KCNH1: variants seen among roughly 807,000 people sequenced by gnomAD.
KCNH1 encodes the protein voltage-gated delayed rectifier potassium channel KCNH1.
KCNH1 carries 27 observed loss-of-function variants against 69.2 expected under a neutral mutation model. The ratio of observed to expected loss-of-function variants is 0.39; its 90% CI spans 0.29 to 0.54. The LOEUF (loss-of-function observed/expected upper bound fraction) is 0.54. KCNH1 is among the 20% of genes least tolerant of loss of function. The probability of loss-of-function intolerance (pLI) is 0.68; values close to 1 mark genes in which losing one functional copy is unlikely to be tolerated. For synonymous variants in KCNH1, 456 were observed against 487.7 expected, an observed-to-expected ratio of 0.93 and a Z score of 0.86; for missense variants, 798 against 1,261.6, an observed-to-expected ratio of 0.63 and a Z score of 5.57.
chr1:210,800,734 C>A (rs1684411562), intron 8 of KCNH1, among the ~76,000 whole-genome samples: 1 of 152,072 alleles, frequency 6.6e-6, no homozygotes, highest in African/African-American at 2.4e-5. Flanking sequence ...GGCCACCTTT[C>A]CTACTGCTAG....
intron 8 of KCNH1, among the ~76,000 whole-genome samples, chr1:210,803,629 A>G (rs933942829): frequency 2.0e-5 from 3 of 152,242 alleles, no homozygotes; most frequent in Admixed American, 6.5e-5. Flanking sequence ...GTAAAAAGAA[A>G]ATTGACAATA....
At chr1:210,995,580 G>A (rs1030513193) in intron 6 of KCNH1, among the ~76,000 whole-genome samples, 1 of 152,148 alleles carries the variant, frequency 6.6e-6, no homozygotes, top group African/African-American at 2.4e-5. Context: ...AGCTAATAGG[G>A]TCCATTTATC....
chr1:210,736,088 G>A (rs1197224994), intron 10 of KCNH1, among the ~76,000 whole-genome samples: 1 of 151,944 alleles, frequency 6.6e-6, no homozygotes, highest in Admixed American at 6.6e-5. Context: ...ACGTTGGAAT[G>A]CAGCAGTCAT....
chr1:211,072,750 G>T (rs1690670368), intron 5 of KCNH1, among the ~76,000 whole-genome samples: 1 of 151,780 alleles, frequency 6.6e-6, no homozygotes, highest in Non-Finnish European at 1.5e-5. Flanking sequence ...TAAGGAAGGA[G>T]AAAAAGTTGA....
At position 211,043,557 on chromosome 1, in the gene KCNH1, A is replaced by G. The variant is rs538307931; in HGVS notation, c.559-24301T>C. 8.5e-5 allele frequency among the ~76,000 whole-genome samples: 13 copies of G among 152,308 alleles called. No homozygotes were observed. In the South Asian group the frequency reaches 1.7e-3, roughly 19 times the overall value. On this transcript the variant is annotated intron_variant, in intron 5 of 10. Coordinates refer to ENST00000271751, the MANE Select transcript of KCNH1 (RefSeq NM_172362.3). Reference sequence around the variant, plus strand: ...TCCTCTTGACACTATTCCACAAGATAGAGAAAGAGGGAATCCTCCCTAAAT... The same window carrying G: ...TCCTCTTGACACTATTCCACAAGATGGAGAAAGAGGGAATCCTCCCTAAAT...
chr1:211,090,690 C>T lies in KCNH1; in HGVS notation c.311G>A (p.Arg104Lys). 1 of 1,599,468 alleles carries T rather than the reference C, an allele frequency of 6.3e-7. No homozygotes were observed. Residue 104 changes from arginine (R) to lysine (K), a missense_variant and splice_region_variant, in exon 4 of 11, where the codon AGG becomes AAG. Arg to Lys is a conservative substitution (Grantham distance 26). Coordinates refer to ENST00000271751, the MANE Select transcript of KCNH1 (RefSeq NM_172362.3). ...SFEILMYKKN[R>K]TPVWFFVKIA... ...TTTCACAAAGAACCACACAGGTGTC[C>T]CTGAAAGGAATATCAAAAGGTTGGT...
intron 6 of KCNH1, among the ~76,000 whole-genome samples, chr1:210,984,745 C>CT (rs142650717): frequency 0.33 from 50,112 of 151,834 alleles, 8,686 homozygotes; most frequent in Non-Finnish European, 0.38. Flanking sequence ...CTAAAATTCT[C>CT]TTTTTTTGTT....
chr1:210,785,962 C>T (rs1395642489), intron 9 of KCNH1, among the ~76,000 whole-genome samples: 1 of 152,134 alleles, frequency 6.6e-6, no homozygotes, highest in African/African-American at 2.4e-5. Context: ...AAATATAAAG[C>T]ACATTCTCTA....
At chr1:211,077,435 G>C (rs963493689) in intron 5 of KCNH1, among the ~76,000 whole-genome samples, 3 of 152,202 alleles carry the variant, frequency 2.0e-5, no homozygotes, top group African/African-American at 7.2e-5. Context: ...CAAGCCAGAA[G>C]AGAGTGGGGG....
intron 5 of KCNH1, among the ~76,000 whole-genome samples, chr1:211,075,359 G>A (rs1283660002): frequency 6.6e-6 from 1 of 152,178 alleles, no homozygotes; most frequent in East Asian, 1.9e-4. Flanking sequence ...TGACATTACT[G>A]CATATATTCA....
chr1:210,741,195 C>G (rs920842059), intron 10 of KCNH1, among the ~76,000 whole-genome samples: 2 of 152,148 alleles, frequency 1.3e-5, no homozygotes, highest in African/African-American at 4.8e-5. Flanking sequence ...GTCACATGAT[C>G]CATGATAGTG....
intron 6 of KCNH1, among the ~76,000 whole-genome samples, chr1:210,967,671 G>A (rs1688433049): frequency 6.6e-6 from 1 of 151,786 alleles, no homozygotes; most frequent in South Asian, 2.1e-4. Context: ...ATACCATATT[G>A]TCCCAATTAT....
Position 210,682,768 on chromosome 1 carries a change from G to A in KCNH1, c.*513C>T, listed in dbSNP as rs1466312946. On this transcript the variant is annotated 3_prime_UTR_variant, in exon 11 of 11. Coordinates refer to ENST00000271751, the MANE Select transcript of KCNH1 (RefSeq NM_172362.3). ...CTGTCCCTCAAGCTCTGCTTGTCCC[G>A]AGCTAGTTATAAATGACAACTACAG... 1.9e-5 allele frequency: 3 copies of A among 155,858 alleles called. No homozygotes were observed. The highest frequency in any genetic ancestry group is 2.8e-5 in the Non-Finnish European group (2 of 70,482). The allele number at this position is 155,858 out of a possible 1,614,324, so 9.7% of individuals were successfully genotyped here.
intron 3 of KCNH1, among the ~76,000 whole-genome samples, chr1:211,101,417 A>G (rs1180306167): frequency 6.6e-6 from 1 of 152,256 alleles, no homozygotes; most frequent in Non-Finnish European, 1.5e-5. Context: ...ATTTGGAGGT[A>G]GTAAGCAGGT....
intron 7 of KCNH1, among the ~76,000 whole-genome samples, chr1:210,872,012 C>T (rs1686259898): frequency 6.6e-6 from 1 of 151,046 alleles, no homozygotes; most frequent in African/African-American, 2.4e-5. Flanking sequence ...TGTAACTAAC[C>T]TGCACATTGT....
chr1:210,937,697 G>A (rs1023155800), intron 6 of KCNH1, among the ~76,000 whole-genome samples: 3 of 152,134 alleles, frequency 2.0e-5, no homozygotes, highest in Non-Finnish European at 2.9e-5. Flanking sequence ...TCCTGGCCAC[G>A]TAGCCTCCAA....
intron 9 of KCNH1, among the ~76,000 whole-genome samples, chr1:210,786,658 A>T (rs1006547624): frequency 1.4e-4 from 21 of 152,010 alleles, no homozygotes. Context: ...TCAAGCCTTG[A>T]TCTTTCTTCT....
intron 7 of KCNH1, among the ~76,000 whole-genome samples, chr1:210,876,803 C>T (rs912371698): frequency 6.6e-6 from 1 of 152,102 alleles, no homozygotes; most frequent in Non-Finnish European, 1.5e-5. Context: ...CTAGTTTTCT[C>T]ATGGAAACGC....
intron 6 of KCNH1, among the ~76,000 whole-genome samples, chr1:210,977,243 A>G (rs2102373672): frequency 6.6e-6 from 1 of 152,232 alleles, no homozygotes; most frequent in Middle Eastern, 3.4e-3. Context: ...GAACTGAACA[A>G]TGAGAACACT....
Sources: allele counts gnomAD v4.1 joint callset (sites outside exome capture counted in the v4.1 genomes callset), GRCh38; gene constraint gnomAD v4.1.1; transcripts MANE v1.5; gene names NCBI Gene and HGNC (gene_info 2026-07-23, HGNC 2026-07-21).